The following TTF2 variants were observed in gnomAD, a reference collection of about 807,000 sequenced individuals.
TTF2 encodes transcription termination factor 2.
In TTF2, 108 loss-of-function variants were observed where a neutral mutation model predicts 142.4. The observed-to-expected ratio is 0.76, with a 90% CI of 0.65 to 0.89. The LOEUF (loss-of-function observed/expected upper bound fraction) is 0.89, where lower values mean the gene tolerates loss of function less well. Ranked by LOEUF, TTF2 falls within the 40% of genes least tolerant of loss-of-function variation. The pLI, the probability that TTF2 is intolerant of heterozygous loss-of-function variation, is 0.00. For synonymous variants in TTF2, 483 were observed against 506.2 expected, an observed-to-expected ratio of 0.95 and a Z score of 0.61; for missense variants, 1,327 against 1,379.8, an observed-to-expected ratio of 0.96 and a Z score of 0.61.
chr1:117,098,975 G>T, intron 22 of TTF2, 68 bp downstream of exon 22: 1 of 1,420,480 alleles, frequency 7.0e-7, no homozygotes, highest in Non-Finnish European at 9.7e-7. Flanking sequence ...TTCTTTCTTA[G>T]GTAGTGTTTT....
Position 117,085,195 on chromosome 1 carries a change from G to A in TTF2, c.2054+1027G>A, listed in dbSNP as rs1181203883. Among the ~76,000 whole-genome samples, 1 of 152,126 alleles carries A rather than the reference G, an allele frequency of 6.6e-6. No homozygotes were observed. The highest frequency in any genetic ancestry group is 1.5e-5 in the Non-Finnish European group (1 of 68,024). On this transcript the variant is annotated intron_variant, in intron 11 of 22. Transcript: ENST00000369466. The surrounding 1 kb of genome is among the most constrained non-coding windows in gnomAD (Gnocchi z 4.7). ...ATTATACTTCTTTATATGATAGTAG[G>A]GTAACTTGTAGACACTGCTGCCTCT...
chr1:117,089,250 C>CTATATATAT (rs1557824248), intron 13 of TTF2, among the ~76,000 whole-genome samples: 3 of 85,104 alleles, frequency 3.5e-5, no homozygotes, highest in Non-Finnish European at 5.2e-5. Flanking sequence ...AAAATATATG[C>CTATATATAT]AAATATATGC....
At chr1:117,095,201 A>G (rs1649005519) in intron 18 of TTF2, 108 bp from the exon 19 acceptor site, 1 of 969,294 alleles carries the variant, frequency 1.0e-6, no homozygotes, top group Non-Finnish European at 1.6e-6. Flanking sequence ...AAGACAGGTG[A>G]GGCCAGAGCA....
rs542052248 is a variant in TTF2, at chr1:117,084,079, T to C, written c.1965T>C (p.His655=). Residue 655 remains histidine (H), a synonymous_variant, in exon 11 of 23, where the codon CAT becomes CAC. Coordinates refer to ENST00000369466, the MANE Select transcript of TTF2 (RefSeq NM_003594.4). Reference sequence around the variant, plus strand: ...TCTGTCCTGCCTCCCTGATCCATCATTGGAAAAATGAGGTGGAGAAACGGG... The same window carrying C: ...TCTGTCCTGCCTCCCTGATCCATCACTGGAAAAATGAGGTGGAGAAACGGG... ...LIICPASLIH[H]WKNEVEKRVN... The C allele has an allele frequency of 1.9e-6, 3 of 1,614,190 alleles. No homozygotes were observed. The highest frequency in any genetic ancestry group is 2.7e-5 in the African/African-American group (2 of 75,042).
At chr1:117,082,070 T>TAGAGTA in intron 10 of TTF2, 123 bp downstream of exon 10, 1 of 1,373,968 alleles carries the variant, frequency 7.3e-7, no homozygotes, top group Non-Finnish European at 1.0e-6. Flanking sequence ...GGAAAACCAG[T>TAGAGTA]ATTAGATTAC....
intron 3 of TTF2, among the ~76,000 whole-genome samples, chr1:117,064,432 T>A (rs571797674): frequency 6.6e-6 from 1 of 152,346 alleles, no homozygotes; most frequent in South Asian, 2.1e-4. Flanking sequence ...GCTTTTTGTC[T>A]GATCTCCAAG....
rs1656773205 is a variant in TTF2, at chr1:117,073,759, T to C, written c.285+32T>C. 3.1e-6 allele frequency: 5 copies of C among 1,602,882 alleles called. No individual in the cohort carries two copies. The Admixed American group carries it at 5.0e-5, about 16-fold the overall frequency. ...ATTATTCATCTGTTTTCAAACCTGC[T>C]GTGTTAAGACTTTTAATATGCAGCA... On this transcript the variant is annotated intron_variant, in intron 4 of 22. Transcript: ENST00000369466. This position sits in a 1 kb window ranked among gnomAD's most constrained non-coding sequence, Gnocchi z 4.4.
In TTF2 at chr1:117,080,624, T is replaced by C. The variant is rs1169471179; in HGVS notation, c.1783+975T>C. ...CAATTTTCAGAAACCATGATAGATG[T>C]CCACTATGGCTAGTAAGTGACTGTG... On this transcript the variant is annotated intron_variant, in intron 9 of 22. Coordinates refer to ENST00000369466, the MANE Select transcript of TTF2 (RefSeq NM_003594.4). The surrounding 1 kb of genome is among the most constrained non-coding windows in gnomAD (Gnocchi z 4.3). 1.3e-5 allele frequency among the ~76,000 whole-genome samples: 2 copies of C among 152,208 alleles called. No homozygotes were observed. The highest frequency in any genetic ancestry group is 6.5e-5 in the Admixed American group (1 of 15,284).
rs1216217396 is a variant in TTF2 at position 117,063,707 on chromosome 1, G to A, written c.218+1234G>A. ...TTTGCATTGAAATTTTTATCAAGTA[G>A]TTTTAGATTCACATACAGTTGTAAG... On this transcript the variant is annotated intron_variant, in intron 3 of 22. Transcript: ENST00000369466. This position sits in a 1 kb window ranked among gnomAD's most constrained non-coding sequence, Gnocchi z 4.1. Among the ~76,000 whole-genome samples the A allele has an allele frequency of 6.6e-6, 1 of 152,038 alleles. No individual in the cohort carries two copies. The highest frequency in any genetic ancestry group is 2.4e-5 in the African/African-American group (1 of 41,402).
rs1649738886 is a variant in TTF2 at position 117,103,459 on chromosome 1, T to TTGAGTTGGGAAACAAGACCCTATG, written c.*1937_*1960dup. ...TCTAACACAGAAACATTTCTGTCCCTTGAGTTGGGAAACAAGACCCTATGT... is the reference window on the plus strand; with the variant it reads ...TCTAACACAGAAACATTTCTGTCCCTTGAGTTGGGAAACAAGACCCTATGTGAGTTGGGAAACAAGACCCTATGT... On this transcript the variant is annotated 3_prime_UTR_variant, in exon 23 of 23. Transcript: ENST00000369466. 1 of 152,224 alleles carries TTGAGTTGGGAAACAAGACCCTATG rather than the reference T, an allele frequency of 6.6e-6. No individual in the cohort carries two copies. Among genetic ancestry groups the TTGAGTTGGGAAACAAGACCCTATG allele is most frequent in the Non-Finnish European group, 1.5e-5 (1 of 68,042 alleles). 9.4% of individuals were successfully genotyped at this position (152,224 alleles called of 1,614,324 possible). A position where few individuals can be genotyped will look rare whatever the true frequency, so the allele number is the denominator to read the frequency against.
intron 3 of TTF2, 119 bp downstream of exon 3, chr1:117,062,592 T>A (rs955075611): frequency 1.4e-5 from 12 of 866,608 alleles, no homozygotes; most frequent in Middle Eastern, 2.6e-4. Context: ...AAAACAAAAT[T>A]TGTATATGTA....
At position 117,080,075 on chromosome 1, in the gene TTF2, T is replaced by C. The variant is rs938911369; in HGVS notation, c.1783+426T>C. On this transcript the variant is annotated intron_variant, in intron 9 of 22. Transcript: ENST00000369466. The surrounding 1 kb of genome is among the most constrained non-coding windows in gnomAD (Gnocchi z 4.3). ...CCCAGGCTGGAGTGCTGTGGTGCGATCTCGGCTCACTGCAACCTCCGCTTC... is the reference window on the plus strand; with the variant it reads ...CCCAGGCTGGAGTGCTGTGGTGCGACCTCGGCTCACTGCAACCTCCGCTTC... Among the ~76,000 whole-genome samples, 1 of 151,418 alleles carries C rather than the reference T, an allele frequency of 6.6e-6. No individual in the cohort carries two copies. Among genetic ancestry groups the C allele is most frequent in the Non-Finnish European group, 1.5e-5 (1 of 67,876 alleles).
chr1:117,099,645 C>A lies in TTF2; in HGVS notation c.3344+738C>A, dbSNP rs1340191420. On this transcript the variant is annotated intron_variant, in intron 22 of 22. Coordinates refer to ENST00000369466, the MANE Select transcript of TTF2 (RefSeq NM_003594.4). This position sits in a 1 kb window ranked among gnomAD's most constrained non-coding sequence, Gnocchi z 4.3. ...TTTTGGACCCCCTTGTCTTTAAAAA[C>A]AACAAAACCTGCCTTAATGCTGCCA... Among the ~76,000 whole-genome samples the A allele has an allele frequency of 6.6e-6, 1 of 152,150 alleles. No individual in the cohort carries two copies. The highest frequency in any genetic ancestry group is 1.9e-4 in the East Asian group (1 of 5,192).
At position 117,093,043 on chromosome 1, in the gene TTF2, C is replaced by T. The variant is rs1648750499; in HGVS notation, c.2976+142C>T. 1 of 914,738 alleles carries T rather than the reference C, an allele frequency of 1.1e-6. No individual in the cohort carries two copies. The highest frequency in any genetic ancestry group is 2.5e-5 in the East Asian group (1 of 39,760). 56.7% of individuals were successfully genotyped at this position (914,738 alleles called of 1,614,324 possible). On this transcript the variant is annotated intron_variant, in intron 18 of 22. Coordinates refer to ENST00000369466, the MANE Select transcript of TTF2 (RefSeq NM_003594.4). The surrounding 1 kb of genome is among the most constrained non-coding windows in gnomAD (Gnocchi z 4.5). ...GTTAAATTCTAGCTGATCAGATTCT[C>T]CCTCCAGTCTTAAAGCTTCATTTAT...
rs1649678084 is a variant in TTF2, at chr1:117,102,682, T to C, written c.*1158T>C. 6.6e-6 allele frequency: 1 copy of C among 152,224 alleles called. No homozygotes were observed. The highest frequency in any genetic ancestry group is 2.4e-5 in the African/African-American group (1 of 41,448). 9.4% of individuals were successfully genotyped at this position (152,224 alleles called of 1,614,324 possible). A position where few individuals can be genotyped will look rare whatever the true frequency, so the allele number is the denominator to read the frequency against. Reference sequence around the variant, plus strand: ...GCAGTATTTGTAGCATTTAGTATCATTGTTTCATTTAGTATTTGGTACAAT... The same window carrying C: ...GCAGTATTTGTAGCATTTAGTATCACTGTTTCATTTAGTATTTGGTACAAT... On this transcript the variant is annotated 3_prime_UTR_variant, in exon 23 of 23. Transcript: ENST00000369466.
At position 117,075,334 on chromosome 1, in the gene TTF2, A is replaced by T. The variant is rs1656903516; in HGVS notation, c.750A>T (p.Glu250Asp). 6.2e-7 allele frequency: 1 copy of T among 1,614,096 alleles called. No individual in the cohort carries two copies. Among genetic ancestry groups the T allele is most frequent in the Non-Finnish European group, 8.5e-7 (1 of 1,180,044 alleles). ...GTAAGAGTCAAGATGTCCAAAGAGA[A>T]TCAGAACCTCTGAGAGAAAAGGTTA... ...SSGKSQDVQRESEPLREKVTQ... is the reference protein window; with the variant it reads ...SSGKSQDVQRDSEPLREKVTQ... Residue 250 changes from glutamate to aspartate, a missense_variant, in exon 5 of 23, where the codon GAA (glutamate) becomes GAT (aspartate). By Grantham distance (45) the Glu-to-Asp change is conservative. Transcript: ENST00000369466. This position sits in a 1 kb window ranked among gnomAD's most constrained non-coding sequence, Gnocchi z 4.5.
At chr1:117,091,197 C>T (rs1471620660) in intron 15 of TTF2, 131 bp from the exon 16 acceptor site, 2 of 612,302 alleles carry the variant, frequency 3.3e-6, no homozygotes, top group East Asian at 2.8e-5. Flanking sequence ...TTACCTTTGG[C>T]CATTGCTTCT....
intron 10 of TTF2, 119 bp downstream of exon 10, chr1:117,082,066 C>A (rs1332309700): frequency 1.4e-6 from 2 of 1,426,196 alleles, no homozygotes; most frequent in Non-Finnish European, 2.0e-6. Context: ...TACTGGAAAA[C>A]CAGTATTAGA....
intron 3 of TTF2, among the ~76,000 whole-genome samples, chr1:117,069,488 A>G (rs1656412137): frequency 6.6e-6 from 1 of 152,240 alleles, no homozygotes; most frequent in Admixed American, 6.5e-5. Flanking sequence ...GTGTGGATGT[A>G]GGAATAAGCA....
Sources: allele counts gnomAD v4.1 joint callset (sites outside exome capture counted in the v4.1 genomes callset), GRCh38; gene constraint gnomAD v4.1.1; non-coding constraint Gnocchi (gnomAD v3.1); transcripts MANE v1.5; gene names NCBI Gene and HGNC (gene_info 2026-07-23, HGNC 2026-07-21).